Variants in FZD8 observed in about 807,000 individuals in gnomAD.
FZD8 encodes frizzled class receptor 8, also known as frizzled-8.
Under a neutral mutation model 46.0 loss-of-function variants are expected in FZD8, and 18 were observed. That is an observed-to-expected ratio of 0.39 (90% CI 0.27 to 0.58). FZD8 has a LOEUF of 0.58. FZD8 is among the 20% of genes least tolerant of loss of function. The pLI is 0.55. For missense variants in FZD8, 785 were observed against 983.4 expected (o/e 0.80, Z 2.70); for synonymous variants, 586 against 467.9 (o/e 1.25, Z -3.26).
At position 35,640,405 on chromosome 10, in the gene FZD8, C is replaced by G; in HGVS notation, c.1025G>C (p.Gly342Ala). 1 of 1,324,436 alleles carries G rather than the reference C, an allele frequency of 7.6e-7. No homozygotes were observed. The allele number at this position is 1,324,436 out of a possible 1,614,324, so 82.0% of individuals were successfully genotyped here. The change falls in exon 1 of 1, where the codon GGT becomes GCT. Residue 342 changes from glycine to alanine, a missense_variant. Physicochemically the swap from Gly to Ala is moderately conservative, Grantham distance 60. This residue lies in a region of FZD8 where 88 missense variants were observed against 83.6 expected (regional missense o/e 1.05). Transcript: ENST00000374694. ...VAGHEKVACSGGAPGAGGAGG... is the reference protein window; with the variant it reads ...VAGHEKVACSAGAPGAGGAGG... ...AGCGCCCCCCGCGCCCGGCGCGCCA[C>G]CGCTGCACGCCACCTTCTCGTGGCC...
Position 35,638,363 on chromosome 10 carries a change from G to A in FZD8, c.*982C>T, listed in dbSNP as rs569909665. On this transcript the variant is annotated 3_prime_UTR_variant, in exon 1 of 1. Coordinates refer to ENST00000374694, the MANE Select transcript of FZD8 (RefSeq NM_031866.3). Reference sequence around the variant, plus strand: ...ACTAAAGTGAGAGTTGTTATCCATGGATCAGAAAAGAGCTCCCATGAAAAA... The same window carrying A: ...ACTAAAGTGAGAGTTGTTATCCATGAATCAGAAAAGAGCTCCCATGAAAAA... The A allele has an allele frequency of 1.3e-5, 2 of 152,630 alleles. No homozygotes were observed. The highest frequency in any genetic ancestry group is 3.8e-4 in the East Asian group (2 of 5,320). The allele number at this position is 152,630 out of a possible 1,614,324, so 9.5% of individuals were successfully genotyped here.
At position 35,640,363 on chromosome 10, in the gene FZD8, G is replaced by T; in HGVS notation, c.1067C>A (p.Ala356Glu). 1 of 963,614 alleles carries T rather than the reference G, an allele frequency of 1.0e-6. No individual in the cohort carries two copies. The highest frequency in any genetic ancestry group is 1.2e-6 in the Non-Finnish European group (1 of 812,936). 59.7% of individuals were successfully genotyped at this position (963,614 alleles called of 1,614,324 possible). Residue 356 changes from alanine to glutamate, a missense_variant, in exon 1 of 1, where the codon GCG (alanine) becomes GAG (glutamate). By Grantham distance (107) the Ala-to-Glu change is moderately radical (BLOSUM62 -1). This residue lies in a region of FZD8 where 88 missense variants were observed against 83.6 expected (regional missense o/e 1.05). Transcript: ENST00000374694. ...GAGGAGGAGG[A>E]AAGAGAAGAG... is the part of the protein sequence containing the mutation. ...GCCCGCCGCGCCCGCGCCCGCCGCC[G>T]CGCCGCCCGCGCCCCCAGCGCCCCC...
rs1835866019 is a variant in FZD8 at position 35,641,663 on chromosome 10, G to A, written c.-234C>T. The A allele has an allele frequency of 7.7e-6, 4 of 520,874 alleles. No homozygotes were observed. Among genetic ancestry groups the A allele is most frequent in the East Asian group, 3.3e-5 (1 of 30,000 alleles). 32.3% of individuals were successfully genotyped at this position (520,874 alleles called of 1,614,324 possible). A position where few individuals can be genotyped will look rare whatever the true frequency, so the allele number is the denominator to read the frequency against. ...CGCACTCCTTTCCGCCGCTCCGGGG[G>A]TTTGAAGGCGGCTGCAGGCGCGCGC... On this transcript the variant is annotated 5_prime_UTR_variant, in exon 1 of 1. Coordinates refer to ENST00000374694, the MANE Select transcript of FZD8 (RefSeq NM_031866.3). The surrounding 1 kb of genome is among the most constrained non-coding windows in gnomAD (Gnocchi z 6.3).
At position 35,641,516 on chromosome 10, in the gene FZD8, G is replaced by C. The variant is rs1370910522; in HGVS notation, c.-87C>G. 17 of 1,467,070 alleles carry C rather than the reference G, an allele frequency of 1.2e-5. No individual in the cohort carries two copies. The highest frequency in any genetic ancestry group is 5.5e-5 in the South Asian group (4 of 72,872). The allele number at this position is 1,467,070 out of a possible 1,614,324, so 90.9% of individuals were successfully genotyped here. On this transcript the variant is annotated 5_prime_UTR_variant, in exon 1 of 1. Transcript: ENST00000374694. This position sits in a 1 kb window ranked among gnomAD's most constrained non-coding sequence, Gnocchi z 6.3. ...GGGGCCCACGAGAGAGCCGCAGACG[G>C]GTACAGCGGGTGATCTGGGGTCTCC...
chr10:35,641,313 G>C lies in FZD8; in HGVS notation c.117C>G (p.Thr39=). Residue 39 remains threonine, a synonymous_variant, in exon 1 of 1, where the codon ACC becomes ACG. Transcript: ENST00000374694. This position sits in a 1 kb window ranked among gnomAD's most constrained non-coding sequence, Gnocchi z 6.3. ...SAKELACQEI[T]VPLCKGIGYN... The stretch of plus-strand genomic sequence containing the variant: ...AGCCGATGCCCTTACACAGCGGCAC[G>C]GTGATCTCTTGGCATGCCAGCTCCT... 2 of 1,614,004 alleles carry C rather than the reference G, an allele frequency of 1.2e-6. No individual in the cohort carries two copies. Among genetic ancestry groups the C allele is most frequent in the Non-Finnish European group, 1.7e-6 (2 of 1,179,938 alleles).
chr10:35,639,444 C>CCCG lies in FZD8; in HGVS notation c.1983_1985dup (p.Gly663dup). ...TGCTGACGTCGCTGTAGAGGGAGCCCCCGCCGCCGCCCGGCCCCCCGCCGC... is the reference window on the plus strand; with the variant it reads ...TGCTGACGTCGCTGTAGAGGGAGCCCCCGCCGCCGCCGCCCGGCCCCCCGCCGC... On this transcript the variant is annotated inframe_insertion, in exon 1 of 1. Transcript: ENST00000374694. The CCCG allele has an allele frequency of 7.8e-6, 9 of 1,160,904 alleles. No homozygotes were observed. The highest frequency in any genetic ancestry group is 9.7e-6 in the Non-Finnish European group (9 of 927,892). The allele number at this position is 1,160,904 out of a possible 1,614,324, so 71.9% of individuals were successfully genotyped here. A position where few individuals can be genotyped will look rare whatever the true frequency, so the allele number is the denominator to read the frequency against.
Position 35,639,311 on chromosome 10 carries a change from TC to T in FZD8, c.*33del. On this transcript the variant is annotated 3_prime_UTR_variant, in exon 1 of 1. Transcript: ENST00000374694. ...CTGCACTTGGCTCTCCTCGCCCCCC[TC>T]CCCACCCCTCCTGGGCGCCCCCTCC... 3.6e-6 allele frequency: 1 copy of T among 277,080 alleles called. No individual in the cohort carries two copies. The highest frequency in any genetic ancestry group is 5.4e-5 in the Admixed American group (1 of 18,366). The allele number at this position is 277,080 out of a possible 1,614,324, so 17.2% of individuals were successfully genotyped here.
Position 35,639,460 on chromosome 10 carries a change from C to A in FZD8, c.1970G>T (p.Gly657Val). 3.8e-6 allele frequency: 4 copies of A among 1,054,178 alleles called. No individual in the cohort carries two copies. The South Asian group carries it at 1.0e-4, about 27-fold the overall frequency. The allele number at this position is 1,054,178 out of a possible 1,614,324, so 65.3% of individuals were successfully genotyped here. ...GAGGGAGCCCCCGCCGCCGCCCGGC[C>A]CCCCGCCGCCGCCGGGTCCCCCGCC... Reference protein sequence around the residue: ...GGGGGPGGGGGPGGGGGSLYS... With the variant: ...GGGGGPGGGGVPGGGGGSLYS... Residue 657 changes from glycine to valine, a missense_variant, in exon 1 of 1, where the codon GGG (glycine) becomes GTG (valine). Gly to Val is a moderately radical substitution (Grantham distance 109). Coordinates refer to ENST00000374694, the MANE Select transcript of FZD8 (RefSeq NM_031866.3).
Position 35,640,713 on chromosome 10 carries a change from C to G in FZD8, c.717G>C (p.Val239=), listed in dbSNP as rs775271969. The change falls in exon 1 of 1, where the codon GTG becomes GTC. Residue 239 remains valine, a synonymous_variant. Coordinates refer to ENST00000374694, the MANE Select transcript of FZD8 (RefSeq NM_031866.3). ...GCGGGTGGCGCTCGCTGGACACGCT[C>G]ACCATAGGCGCGCGGCACTGGCACC... is the stretch of plus-strand genomic sequence containing the variant. ...EPGCQCRAPM[V]SVSSERHPLY... is the part of the protein sequence containing the mutation. 1 of 1,499,530 alleles carries G rather than the reference C, an allele frequency of 6.7e-7. No homozygotes were observed. The allele number at this position is 1,499,530 out of a possible 1,614,324, so 92.9% of individuals were successfully genotyped here.
In FZD8 at chr10:35,640,697, G is replaced by C; in HGVS notation, c.733C>G (p.Arg245Gly). ...TTGACGCGGTTGTAGAGCGGGTGGC[G>C]CTCGCTGGACACGCTCACCATAGGC... ...RAPMVSVSSE[R>G]HPLYNRVKTG... The change falls in exon 1 of 1, where the codon CGC becomes GGC. Residue 245 changes from arginine to glycine, a missense_variant. By Grantham distance (125) the Arg-to-Gly change is moderately radical. Around this residue, in one of 5 missense-constraint regions of FZD8, gnomAD observed 354 missense variants for 433.2 expected, o/e 0.82. Transcript: ENST00000374694. 1 of 1,519,668 alleles carries C rather than the reference G, an allele frequency of 6.6e-7. No homozygotes were observed. The highest frequency in any genetic ancestry group is 8.9e-7 in the Non-Finnish European group (1 of 1,126,100). The allele number at this position is 1,519,668 out of a possible 1,614,324, so 94.1% of individuals were successfully genotyped here.
chr10:35,641,667 GA>G lies in FZD8; in HGVS notation c.-239del. ...CTCCTTTCCGCCGCTCCGGGGGTTTGAAGGCGGCTGCAGGCGCGCGCCACAG... is the reference window on the plus strand; with the variant it reads ...CTCCTTTCCGCCGCTCCGGGGGTTTGAGGCGGCTGCAGGCGCGCGCCACAG... On this transcript the variant is annotated 5_prime_UTR_variant, in exon 1 of 1. Transcript: ENST00000374694. This position sits in a 1 kb window ranked among gnomAD's most constrained non-coding sequence, Gnocchi z 6.3. The G allele has an allele frequency of 7.8e-6, 4 of 510,970 alleles. No individual in the cohort carries two copies. Among genetic ancestry groups the G allele is most frequent in the Non-Finnish European group, 1.4e-5 (4 of 292,714 alleles). 31.7% of individuals were successfully genotyped at this position (510,970 alleles called of 1,614,324 possible). A position where few individuals can be genotyped will look rare whatever the true frequency, so the allele number is the denominator to read the frequency against.
rs1351731053 is a variant in FZD8, at chr10:35,639,602, G to C, written c.1828C>G (p.Leu610Val). The change falls in exon 1 of 1, where the codon CTG becomes GTG. Residue 610 changes from leucine to valine, a missense_variant. Physicochemically the swap from Leu to Val is conservative, Grantham distance 32. Around this residue, in one of 5 missense-constraint regions of FZD8, gnomAD observed 185 missense variants for 180.8 expected, o/e 1.02. Transcript: ENST00000374694. Reference protein sequence around the residue: ...SGVWVWSGKTLESWRSLCTRC... With the variant: ...SGVWVWSGKTVESWRSLCTRC... ...GTGCACAGGGAGCGCCAGGACTCCAGCGTCTTGCCGGACCAGACCCACACG... is the reference window on the plus strand; with the variant it reads ...GTGCACAGGGAGCGCCAGGACTCCACCGTCTTGCCGGACCAGACCCACACG... The C allele has an allele frequency of 2.7e-5, 43 of 1,597,304 alleles. No individual in the cohort carries two copies. Among genetic ancestry groups the C allele is most frequent in the Non-Finnish European group, 3.6e-5 (42 of 1,179,390 alleles).
chr10:35,639,686 C>A lies in FZD8; in HGVS notation c.1744G>T (p.Asp582Tyr). The change falls in exon 1 of 1, where the codon GAC (aspartate) becomes TAC (tyrosine). Residue 582 changes from aspartate (D) to tyrosine (Y), a missense_variant. Asp to Tyr is a radical substitution (Grantham distance 160). Coordinates refer to ENST00000374694, the MANE Select transcript of FZD8 (RefSeq NM_031866.3). Reference sequence around the variant, plus strand: ...TACTTGAGCATGAAGACGGCGTAGTCGGGCCTGCGTGCCTGGTCGGGCTGC... The same window carrying A: ...TACTTGAGCATGAAGACGGCGTAGTAGGGCCTGCGTGCCTGGTCGGGCTGC... ...DLQPDQARRP[D>Y]YAVFMLKYFM... 1 of 1,599,388 alleles carries A rather than the reference C, an allele frequency of 6.3e-7. No homozygotes were observed. Among genetic ancestry groups the A allele is most frequent in the South Asian group, 1.1e-5 (1 of 91,078 alleles).
Position 35,638,647 on chromosome 10 carries a change from G to A in FZD8, c.*698C>T, listed in dbSNP as rs1835799786. 6.6e-6 allele frequency: 1 copy of A among 152,312 alleles called. No individual in the cohort carries two copies. Among genetic ancestry groups the A allele is most frequent in the South Asian group, 2.1e-4 (1 of 4,828 alleles). The allele number at this position is 152,312 out of a possible 1,614,324, so 9.4% of individuals were successfully genotyped here. On this transcript the variant is annotated 3_prime_UTR_variant, in exon 1 of 1. Coordinates refer to ENST00000374694, the MANE Select transcript of FZD8 (RefSeq NM_031866.3). ...CAAAAGTCATTTTATTGACAAAATAGAATACTTATATCTGTTCTTACAGGG... is the reference window on the plus strand; with the variant it reads ...CAAAAGTCATTTTATTGACAAAATAAAATACTTATATCTGTTCTTACAGGG...
chr10:35,639,135 G>A lies in FZD8; in HGVS notation c.*210C>T, dbSNP rs1019206708. Reference sequence around the variant, plus strand: ...CCCGCACATCAATGGAGGAAAAGGGGCTGGGTCTGGGAGGCTTCAATGCCA... The same window carrying A: ...CCCGCACATCAATGGAGGAAAAGGGACTGGGTCTGGGAGGCTTCAATGCCA... On this transcript the variant is annotated 3_prime_UTR_variant, in exon 1 of 1. Coordinates refer to ENST00000374694, the MANE Select transcript of FZD8 (RefSeq NM_031866.3). The A allele has an allele frequency of 3.7e-5, 7 of 186,904 alleles. No homozygotes were observed. The highest frequency in any genetic ancestry group is 3.1e-4 in the Admixed American group (5 of 16,026). 11.6% of individuals were successfully genotyped at this position (186,904 alleles called of 1,614,324 possible).
chr10:35,639,478 C>A lies in FZD8; in HGVS notation c.1952G>T (p.Gly651Val), dbSNP rs1172651320. 14 of 975,776 alleles carry A rather than the reference C, an allele frequency of 1.4e-5. No individual in the cohort carries two copies. Among genetic ancestry groups the A allele is most frequent in the South Asian group, 4.6e-5 (1 of 21,894 alleles). The allele number at this position is 975,776 out of a possible 1,614,324, so 60.4% of individuals were successfully genotyped here. Reference protein sequence around the residue: ...GGGPGGGGGGGPGGGGGPGGG... With the variant: ...GGGPGGGGGGVPGGGGGPGGG... ...GCCCGGCCCCCCGCCGCCGCCGGGT[C>A]CCCCGCCGCCGCCGCCCCCCGGCCC... The change falls in exon 1 of 1, where the codon GGA becomes GTA. Residue 651 changes from glycine (G) to valine (V), a missense_variant. Physicochemically the swap from Gly to Val is moderately radical, Grantham distance 109. Transcript: ENST00000374694.
In FZD8 at chr10:35,639,798, G is replaced by C; in HGVS notation, c.1632C>G (p.Ala544=). Residue 544 remains alanine (A), a synonymous_variant, in exon 1 of 1, where the codon GCC becomes GCG. Coordinates refer to ENST00000374694, the MANE Select transcript of FZD8 (RefSeq NM_031866.3). The part of the protein sequence containing the change: ...GLFTVLYTVP[A]AVVVACLFYE... ...AGAAGAGGCAGGCGACCACCACCGC[G>C]GCGGGCACGGTGTAGAGCACGGTGA... 6.2e-7 allele frequency: 1 copy of C among 1,602,630 alleles called. No homozygotes were observed. Among genetic ancestry groups the C allele is most frequent in the Non-Finnish European group, 8.5e-7 (1 of 1,179,820 alleles).
chr10:35,640,811 G>A lies in FZD8; in HGVS notation c.619C>T (p.Pro207Ser), dbSNP rs1472000938. The A allele has an allele frequency of 1.1e-5, 11 of 992,620 alleles. No homozygotes were observed. The highest frequency in any genetic ancestry group is 1.2e-5 in the Non-Finnish European group (10 of 836,466). The allele number at this position is 992,620 out of a possible 1,614,324, so 61.5% of individuals were successfully genotyped here. A position where few individuals can be genotyped will look rare whatever the true frequency, so the allele number is the denominator to read the frequency against. Reference sequence around the variant, plus strand: ...CCACCGCCGCCGCCGCGAGCTGGGGGCGCCGCCGCGTCCCCGCCGCCACCG... The same window carrying A: ...CCACCGCCGCCGCCGCGAGCTGGGGACGCCGCCGCGTCCCCGCCGCCACCG... ...RGGGGGDAAAPPARGGGGGGK... is the reference protein window; with the variant it reads ...RGGGGGDAAASPARGGGGGGK... The change falls in exon 1 of 1, where the codon CCC (proline) becomes TCC (serine). Residue 207 changes from proline to serine, a missense_variant. By Grantham distance (74) the Pro-to-Ser change is moderately conservative. This residue lies in a region of FZD8 where 354 missense variants were observed against 433.2 expected (regional missense o/e 0.82). Transcript: ENST00000374694.
In FZD8 at chr10:35,641,467, G is replaced by A. The variant is rs1245179943; in HGVS notation, c.-38C>T. 2 of 1,509,672 alleles carry A rather than the reference G, an allele frequency of 1.3e-6. No individual in the cohort carries two copies. Among genetic ancestry groups the A allele is most frequent in the Admixed American group, 2.0e-5 (1 of 49,024 alleles). 93.5% of individuals were successfully genotyped at this position (1,509,672 alleles called of 1,614,324 possible). ...GGCCCGGTGCCCTCGCCCTCCAGGC[G>A]GCGCGCAGAGGGGTGCCGGGGGGGG... On this transcript the variant is annotated 5_prime_UTR_variant, in exon 1 of 1. Transcript: ENST00000374694. This position sits in a 1 kb window ranked among gnomAD's most constrained non-coding sequence, Gnocchi z 6.3.
Sources: allele counts gnomAD v4.1 joint callset, GRCh38; gene constraint gnomAD v4.1.1; regional missense constraint gnomAD v4.1.1; non-coding constraint Gnocchi (gnomAD v3.1); transcripts MANE v1.5; gene names NCBI Gene and HGNC (gene_info 2026-07-23, HGNC 2026-07-21).